NMI: variants seen among roughly 807,000 people sequenced by gnomAD.
The protein encoded by NMI is N-myc-interactor.
NMI carries 39 observed loss-of-function variants against 34.3 expected under a neutral mutation model. The ratio of observed to expected loss-of-function variants is 1.14; its 90% CI spans 0.88 to 1.49. The LOEUF (loss-of-function observed/expected upper bound fraction) is 1.49. Among genes scored for constraint, NMI ranks in the 40% most tolerant of loss-of-function variants. The pLI, the probability that NMI is intolerant of heterozygous loss-of-function variation, is 0.00. For missense variants in NMI, 339 were observed against 358.1 expected, an observed-to-expected ratio of 0.95 and a Z score of 0.43; for synonymous variants, 113 against 120.3, an observed-to-expected ratio of 0.94 and a Z score of 0.40.
At chr2:151,274,477 TC>T (rs1683250051) in intron 6 of NMI, among the ~76,000 whole-genome samples, 2 of 131,400 alleles carry the variant, frequency 1.5e-5, no homozygotes, top group African/African-American at 6.8e-5. Context: ...AGGAAATGTC[TC>T]TTTTTGTTTT....
At chr2:151,283,029 T>C in intron 1 of NMI, 75 bp from the exon 2 acceptor site, 1 of 684,340 alleles carries the variant, frequency 1.5e-6, no homozygotes. Context: ...TAAGAACTTT[T>C]ACCCTTTTAT....
chr2:151,282,972 A>C lies in NMI; in HGVS notation c.-6-18T>G, dbSNP rs775698108. The C allele has an allele frequency of 1.5e-6, 2 of 1,302,154 alleles. No homozygotes were observed. Among genetic ancestry groups the C allele is most frequent in the South Asian group, 3.0e-5 (2 of 67,210 alleles). The allele number at this position is 1,302,154 out of a possible 1,614,324, so 80.7% of individuals were successfully genotyped here. On this transcript the variant is annotated intron_variant, in intron 1 of 7. Transcript: ENST00000243346. ...ATGATCCCCTAATATTATAAAAAATAAATATTATAAGCATAGCATATATAC... is the reference window on the plus strand; with the variant it reads ...ATGATCCCCTAATATTATAAAAAATCAATATTATAAGCATAGCATATATAC...
rs781623520 is a variant in NMI at position 151,282,046 on chromosome 2, T to C, written c.82-3A>G. On this transcript the variant is annotated splice_region_variant and splice_polypyrimidine_tract_variant and intron_variant, in intron 2 of 7. Coordinates refer to ENST00000243346, the MANE Select transcript of NMI (RefSeq NM_004688.3). ...TTTGTAATTTCATCAATTAGTCCCT[T>C]AAAAATATCAAATGGTACCAAAGAA... The C allele has an allele frequency of 3.7e-5, 47 of 1,254,702 alleles. No individual in the cohort carries two copies. Among genetic ancestry groups the C allele is most frequent in the Non-Finnish European group, 5.3e-5 (46 of 861,542 alleles). 77.7% of individuals were successfully genotyped at this position (1,254,702 alleles called of 1,614,324 possible). A position where few individuals can be genotyped will look rare whatever the true frequency, so the allele number is the denominator to read the frequency against.
rs566238788 is a variant in NMI at position 151,288,592 on chromosome 2, C to T, written c.-7+1001G>A. ...GTGTGTGTGTGTGTGTGTGTGCGCGCGCGCGCGCGTTCCTATGTGTTTAAG... is the reference window on the plus strand; with the variant it reads ...GTGTGTGTGTGTGTGTGTGTGCGCGTGCGCGCGCGTTCCTATGTGTTTAAG... On this transcript the variant is annotated intron_variant, in intron 1 of 7. Coordinates refer to ENST00000243346, the MANE Select transcript of NMI (RefSeq NM_004688.3). Among the ~76,000 whole-genome samples the T allele has an allele frequency of 5.9e-4, 88 of 149,826 alleles. 1 individual carries two copies. In the South Asian group the frequency reaches 0.018, roughly 30 times the overall value.
In NMI at chr2:151,270,670, T is replaced by G. The variant is rs140955412; in HGVS notation, c.*23A>C. 6.4e-7 allele frequency: 1 copy of G among 1,565,230 alleles called. No homozygotes were observed. The highest frequency in any genetic ancestry group is 1.9e-5 in the Admixed American group (1 of 53,286). ...TACAGTAATCCGGGTTAAAAAGCTATAGTTTTCATGATTCTGTTAAGTCTA... is the reference window on the plus strand; with the variant it reads ...TACAGTAATCCGGGTTAAAAAGCTAGAGTTTTCATGATTCTGTTAAGTCTA... On this transcript the variant is annotated 3_prime_UTR_variant, in exon 8 of 8. Coordinates refer to ENST00000243346, the MANE Select transcript of NMI (RefSeq NM_004688.3).
chr2:151,272,341 G>C (rs1683204036), intron 6 of NMI, among the ~76,000 whole-genome samples: 2 of 152,110 alleles, frequency 1.3e-5, no homozygotes, highest in Admixed American at 1.3e-4. Context: ...AACAGTTCTT[G>C]GGAATATACA....
At chr2:151,278,597 A>G (rs1362906288) in intron 4 of NMI, 1 of 462,768 alleles carries the variant, frequency 2.2e-6, no homozygotes. Flanking sequence ...TCATCATAGC[A>G]CCTGGATTAA....
At position 151,281,984 on chromosome 2, in the gene NMI, A is replaced by C. The variant is rs1377067667; in HGVS notation, c.141T>G (p.Leu47=). The part of the protein sequence containing the change: ...NIQLKKEIQK[L]ETELQEATKE... ...TGGTAGCCTCTTGTAACTCCGTTTC[A>C]AGCTTTTGGATCTCCTTCTTTAGTT... Residue 47 remains leucine, a synonymous_variant, in exon 3 of 8, where the codon CTT becomes CTG. Coordinates refer to ENST00000243346, the MANE Select transcript of NMI (RefSeq NM_004688.3). The C allele has an allele frequency of 6.4e-7, 1 of 1,563,742 alleles. No homozygotes were observed. The highest frequency in any genetic ancestry group is 2.2e-5 in the East Asian group (1 of 44,572).
intron 4 of NMI, chr2:151,278,157 C>T (rs2105206208): frequency 6.6e-6 from 1 of 152,294 alleles, no homozygotes; most frequent in South Asian, 2.1e-4. Flanking sequence ...TACCATGAAG[C>T]ACCTGTATAA....
At chr2:151,281,490 A>G (rs1371047063) in intron 3 of NMI, among the ~76,000 whole-genome samples, 1 of 152,220 alleles carries the variant, frequency 6.6e-6, no homozygotes, top group Non-Finnish European at 1.5e-5. Context: ...TTACAAAGCT[A>G]ACACACGTGA....
chr2:151,284,224 T>TGCCTATAATATATA lies in NMI; in HGVS notation c.-6-1271_-6-1270insTATATATTATAGGC, dbSNP rs547491476. ...TACAAAAAAAATTAGCTGGGCGTGGTGCCAGGTGCCTATAATCCCAGTCAT... is the reference window on the plus strand; with the variant it reads ...TACAAAAAAAATTAGCTGGGCGTGGTGCCTATAATATATAGCCAGGTGCCTATAATCCCAGTCAT... On this transcript the variant is annotated intron_variant, in intron 1 of 7. Transcript: ENST00000243346. 1.3e-3 allele frequency among the ~76,000 whole-genome samples: 201 copies of TGCCTATAATATATA among 152,280 alleles called. 1 individual carries two copies. The highest frequency in any genetic ancestry group is 4.7e-3 in the African/African-American group (195 of 41,554).
At chr2:151,288,440 T>C (rs572347234) in intron 1 of NMI, among the ~76,000 whole-genome samples, 40 of 152,186 alleles carry the variant, frequency 2.6e-4, no homozygotes, top group African/African-American at 8.9e-4. Context: ...CTCCGGAAGA[T>C]GGAAAGAGGA....
chr2:151,279,636 C>T (rs763400939), intron 3 of NMI, among the ~76,000 whole-genome samples: 2 of 152,004 alleles, frequency 1.3e-5, no homozygotes, highest in Non-Finnish European at 2.9e-5. Flanking sequence ...GCTACCACAC[C>T]GAGCTAATTT....
At chr2:151,281,842 T>C in intron 3 of NMI, 106 bp downstream of exon 3, 1 of 681,244 alleles carries the variant, frequency 1.5e-6, no homozygotes, top group South Asian at 1.7e-5. Context: ...GGTGGTGCCA[T>C]GGATGATGAT....
intron 1 of NMI, among the ~76,000 whole-genome samples, chr2:151,286,035 G>T (rs11683487): frequency 0.36 from 54,767 of 151,926 alleles, 12,028 homozygotes; most frequent in Admixed American, 0.51. Flanking sequence ...GATGAAGAAA[G>T]GAATTTTTAG....
chr2:151,281,507 C>T lies in NMI; in HGVS notation c.177+441G>A, dbSNP rs997629164. 4.6e-5 allele frequency among the ~76,000 whole-genome samples: 7 copies of T among 152,290 alleles called. No homozygotes were observed. The East Asian group carries it at 5.8e-4, about 13-fold the overall frequency. ...ACAAAGCTAACACACGTGATTGGCACGCAGATGATAGGCAGGACATGACAA... is the reference window on the plus strand; with the variant it reads ...ACAAAGCTAACACACGTGATTGGCATGCAGATGATAGGCAGGACATGACAA... On this transcript the variant is annotated intron_variant, in intron 3 of 7. Transcript: ENST00000243346.
intron 4 of NMI, chr2:151,278,537 A>G (rs1335347233): frequency 2.9e-6 from 1 of 344,256 alleles, no homozygotes; most frequent in African/African-American, 2.1e-5. Flanking sequence ...AAATATTACT[A>G]TCATTATTTG....
intron 1 of NMI, among the ~76,000 whole-genome samples, chr2:151,287,025 G>A (rs1683512326): frequency 6.6e-6 from 1 of 152,086 alleles, no homozygotes; most frequent in South Asian, 2.1e-4. Flanking sequence ...AGGACAACTG[G>A]TGAAATTCAC....
At chr2:151,273,020 T>C (rs1366339545) in intron 6 of NMI, among the ~76,000 whole-genome samples, 1 of 152,102 alleles carries the variant, frequency 6.6e-6, no homozygotes, top group East Asian at 1.9e-4. Context: ...GTGGTGATGG[T>C]TGTACAACAT....
Sources: allele counts gnomAD v4.1 joint callset (sites outside exome capture counted in the v4.1 genomes callset), GRCh38; gene constraint gnomAD v4.1.1; transcripts MANE v1.5; gene names NCBI Gene and HGNC (gene_info 2026-07-23, HGNC 2026-07-21).